Variants in NUP210L observed in about 807,000 individuals in gnomAD.
The protein encoded by NUP210L is nucleoporin 210 like.
Under a neutral mutation model 208.5 loss-of-function variants are expected in NUP210L, and 74 were observed. The ratio of observed to expected loss-of-function variants is 0.35; its 90% CI spans 0.29 to 0.43. The LOEUF (loss-of-function observed/expected upper bound fraction) is 0.43, where lower values mean the gene tolerates loss of function less well. NUP210L is among the 20% of genes least tolerant of loss of function. The probability of loss-of-function intolerance (pLI) is 1.00; values close to 1 mark genes in which losing one functional copy is unlikely to be tolerated. For synonymous variants in NUP210L, 780 were observed against 816.9 expected (o/e 0.95, Z 0.77); for missense variants, 1,843 against 2,289.4 (o/e 0.81, Z 3.98).
chr1:153,992,779 C>T (rs772036296), exon 40 of NUP210L: 135 of 1,183,834 alleles, frequency 1.1e-4, no homozygotes, highest in East Asian at 5.3e-4. Flanking sequence ...GGCTTCTTGT[C>T]GAGGACTAGA....
At chr1:154,067,604 G>T (rs1654483145) in intron 17 of NUP210L, among the ~76,000 whole-genome samples, 1 of 152,106 alleles carries the variant, frequency 6.6e-6, no homozygotes, top group Admixed American at 6.6e-5. Flanking sequence ...GGACAATCAG[G>T]CAAGAGAAAG....
chr1:154,094,402 G>C (rs1039667083), intron 15 of NUP210L, among the ~76,000 whole-genome samples: 3 of 152,170 alleles, frequency 2.0e-5, no homozygotes, highest in African/African-American at 7.2e-5. Context: ...AGGGTGCAGT[G>C]AGCCGAGATC....
chr1:153,993,923 A>G (rs1033083397), intron 38 of NUP210L, among the ~76,000 whole-genome samples: 1 of 152,162 alleles, frequency 6.6e-6, no homozygotes, highest in African/African-American at 2.4e-5. Flanking sequence ...GACACACAGT[A>G]TCACTGGAGT....
At position 153,992,718 on chromosome 1, in the gene NUP210L, T is replaced by G. The variant is rs1649530448; in HGVS notation, c.*117A>C. On this transcript the variant is annotated 3_prime_UTR_variant, in exon 40 of 40. Coordinates refer to ENST00000368559, the Ensembl canonical transcript of NUP210L. ...TAAGAAACAGCTTAGGATGCTTTATTTATAGTTCTCAGAAGCCTTATCTGG... is the reference window on the plus strand; with the variant it reads ...TAAGAAACAGCTTAGGATGCTTTATGTATAGTTCTCAGAAGCCTTATCTGG... 8 of 708,348 alleles carry G rather than the reference T, an allele frequency of 1.1e-5. No homozygotes were observed. In the South Asian group the frequency reaches 1.5e-4, roughly 14 times the overall value. The allele number at this position is 708,348 out of a possible 1,614,324, so 43.9% of individuals were successfully genotyped here. A position where few individuals can be genotyped will look rare whatever the true frequency, so the allele number is the denominator to read the frequency against.
intron 3 of NUP210L, among the ~76,000 whole-genome samples, 178 bp downstream of exon 3, chr1:154,143,268 G>A (rs895627665): frequency 1.3e-5 from 2 of 151,374 alleles, no homozygotes; most frequent in Non-Finnish European, 2.9e-5. Flanking sequence ...TTATGAAAAC[G>A]TGTAGTTAAT....
At chr1:154,031,338 C>T (rs1652206565) in intron 27 of NUP210L, among the ~76,000 whole-genome samples, 2 of 152,290 alleles carry the variant, frequency 1.3e-5, no homozygotes, top group South Asian at 4.1e-4. Flanking sequence ...GATCCACCCA[C>T]CTTGGCCTCC....
chr1:154,021,376 A>T (rs189528472), intron 32 of NUP210L, among the ~76,000 whole-genome samples: 1 of 152,158 alleles, frequency 6.6e-6, no homozygotes, highest in African/African-American at 2.4e-5. Context: ...AGTCCCAGCT[A>T]CTTGGGAGGC....
In NUP210L at chr1:154,093,414, G is replaced by A. The variant is rs572989893; in HGVS notation, c.2187+1521C>T. 5.9e-5 allele frequency among the ~76,000 whole-genome samples: 9 copies of A among 152,048 alleles called. No homozygotes were observed. The South Asian group carries it at 1.2e-3, about 21-fold the overall frequency. ...TTGCACTCCCACCTGGGCAACAAGAGCGAAACTCCATCTCAAAAAAAAAAG... is the reference window on the plus strand; with the variant it reads ...TTGCACTCCCACCTGGGCAACAAGAACGAAACTCCATCTCAAAAAAAAAAG... On this transcript the variant is annotated intron_variant, in intron 15 of 39. Coordinates refer to ENST00000368559, the Ensembl canonical transcript of NUP210L.
chr1:154,051,669 G>A (rs893081038), intron 25 of NUP210L, among the ~76,000 whole-genome samples: 1 of 152,202 alleles, frequency 6.6e-6, no homozygotes, highest in Non-Finnish European at 1.5e-5. Context: ...CTCAAGGATT[G>A]AAAACTAATT....
At chr1:154,115,386 C>T (rs540823736) in intron 12 of NUP210L, among the ~76,000 whole-genome samples, 2 of 152,310 alleles carry the variant, frequency 1.3e-5, no homozygotes, top group African/African-American at 4.8e-5. Flanking sequence ...AAAGCAGCCA[C>T]AGACAATATG....
At chr1:154,139,494 A>T (rs535176640) in intron 5 of NUP210L, among the ~76,000 whole-genome samples, 2 of 152,218 alleles carry the variant, frequency 1.3e-5, no homozygotes, top group African/African-American at 4.8e-5. Flanking sequence ...AGATAAACAT[A>T]AAAAACTATA....
intron 37 of NUP210L, 119 bp downstream of exon 37, chr1:154,000,737 G>T: frequency 1.3e-6 from 1 of 798,184 alleles, no homozygotes; most frequent in South Asian, 1.6e-5. Flanking sequence ...TTTATTTTTG[G>T]ACCGTGGTTG....
At position 154,154,951 on chromosome 1, in the gene NUP210L, G is replaced by A. The variant is rs202149150; in HGVS notation, c.94C>T (p.Arg32Cys). 2.1e-4 allele frequency: 345 copies of A among 1,614,022 alleles called. 1 individual carries two copies. Among genetic ancestry groups the A allele is most frequent in the Non-Finnish European group, 2.3e-4 (266 of 1,179,994 alleles). Residue 32 changes from arginine to cysteine, a missense_variant, in exon 1 of 40, where the codon CGT (arginine) becomes TGT (cysteine). Coordinates refer to ENST00000368559, the Ensembl canonical transcript of NUP210L. The stretch of plus-strand genomic sequence containing the variant: ...TTAAGTTTGTTGGCCAGGGTCCCAC[G>A]CAAAACCAGAAACAACAACAGGAGG...
intron 25 of NUP210L, 75 bp from the exon 26 acceptor site, chr1:154,046,444 C>A: frequency 1.7e-6 from 2 of 1,193,908 alleles, no homozygotes; most frequent in Non-Finnish European, 2.5e-6. Flanking sequence ...CTTTTGATAA[C>A]TAGTTTGCTA....
At chr1:154,068,775 T>C (rs1404072938) in intron 17 of NUP210L, among the ~76,000 whole-genome samples, 2 of 144,920 alleles carry the variant, frequency 1.4e-5, no homozygotes, top group Admixed American at 7.1e-5. Flanking sequence ...AATTGAACAA[T>C]GAGAACACAT....
chr1:154,073,009 C>A (rs2148016513), intron 16 of NUP210L, among the ~76,000 whole-genome samples: 1 of 152,304 alleles, frequency 6.6e-6, no homozygotes, highest in East Asian at 1.9e-4. Flanking sequence ...AGAAAATCTT[C>A]ACGATCTATA....
intron 23 of NUP210L, among the ~76,000 whole-genome samples, chr1:154,056,544 A>G (rs1301836352): frequency 1.3e-5 from 2 of 152,110 alleles, no homozygotes; most frequent in Non-Finnish European, 1.5e-5. Flanking sequence ...CCTCTTGAGT[A>G]GCTGGAACTA....
chr1:154,140,909 GCGTGAA>G (rs1227336702), intron 4 of NUP210L, among the ~76,000 whole-genome samples: 3 of 150,568 alleles, frequency 2.0e-5, no homozygotes, highest in African/African-American at 7.3e-5. Flanking sequence ...CAGGAGAATG[GCGTGAA>G]CCCGGGAGGC....
At chr1:154,068,382 T>C (rs1269779156) in intron 17 of NUP210L, among the ~76,000 whole-genome samples, 2 of 152,160 alleles carry the variant, frequency 1.3e-5, no homozygotes, top group Non-Finnish European at 2.9e-5. Context: ...GCTAGCCATA[T>C]GTAGAAAGCT....
Sources: allele counts gnomAD v4.1 joint callset (sites outside exome capture counted in the v4.1 genomes callset), GRCh38; gene constraint gnomAD v4.1.1; transcripts MANE v1.5; gene names NCBI Gene and HGNC (gene_info 2026-07-23, HGNC 2026-07-21).